The following PTPRO variants were observed in gnomAD, a reference collection of about 807,000 sequenced individuals.
PTPRO encodes receptor-type tyrosine-protein phosphatase O.
In PTPRO, 62 loss-of-function variants were observed where a neutral mutation model predicts 145.2. The ratio of observed to expected loss-of-function variants is 0.43; its 90% confidence interval spans 0.35 to 0.53. The LOEUF (loss-of-function observed/expected upper bound fraction) is 0.53. Among genes scored for constraint, PTPRO ranks in the 20% least tolerant of loss-of-function variants. PTPRO has a pLI of 0.01. For missense variants in PTPRO, 1,345 were observed against 1,482.7 expected, an observed-to-expected ratio of 0.91 and a Z score of 1.53; for synonymous variants, 565 against 514.7, an observed-to-expected ratio of 1.10 and a Z score of -1.32.
chr12:15,471,296 C>T (rs1432831141), intron 1 of PTPRO, among the ~76,000 whole-genome samples: 1 of 152,120 alleles, frequency 6.6e-6, no homozygotes, highest in Admixed American at 6.5e-5. Context: ...GGGAGGATCA[C>T]TTGAGCCTGG....
At chr12:15,496,805 T>C (rs1030735818) in intron 2 of PTPRO, among the ~76,000 whole-genome samples, 1 of 152,218 alleles carries the variant, frequency 6.6e-6, no homozygotes, top group African/African-American at 2.4e-5. Context: ...TGAGCCAAAA[T>C]TTATTTTCTG....
intron 15 of PTPRO, among the ~76,000 whole-genome samples, chr12:15,551,894 C>T (rs1456537482): frequency 1.3e-5 from 2 of 151,924 alleles, no homozygotes; most frequent in African/African-American, 4.8e-5. Flanking sequence ...TACACAAAGT[C>T]AGACCTCTTG....
chr12:15,388,933 AT>A (rs1939108128), intron 1 of PTPRO, among the ~76,000 whole-genome samples: 2 of 152,044 alleles, frequency 1.3e-5, no homozygotes, highest in South Asian at 2.1e-4. Context: ...GAAAAAAAAA[AT>A]CTACTCTTAT....
intron 18 of PTPRO, among the ~76,000 whole-genome samples, chr12:15,566,823 T>C (rs1387494007): frequency 2.6e-5 from 4 of 152,072 alleles, no homozygotes; most frequent in African/African-American, 9.7e-5. Flanking sequence ...GTCCAGCCTC[T>C]AAGTCAATTT....
intron 11 of PTPRO, 91 bp from the exon 12 acceptor site, chr12:15,526,051 G>A (rs1942830555): frequency 2.1e-6 from 3 of 1,459,064 alleles, no homozygotes. Flanking sequence ...AACAGAGAGG[G>A]AATGTGTCTG....
chr12:15,559,360 G>A (rs1943716840), intron 16 of PTPRO, among the ~76,000 whole-genome samples: 2 of 152,164 alleles, frequency 1.3e-5, no homozygotes, highest in Admixed American at 6.5e-5. Flanking sequence ...GAAGTGACAA[G>A]GTGACAGTAT....
At chr12:15,560,422 A>C (rs1382064387) in intron 17 of PTPRO, 146 bp downstream of exon 17, 3 of 677,688 alleles carry the variant, frequency 4.4e-6, no homozygotes, top group Non-Finnish European at 7.6e-6. Context: ...GAATTAAAGC[A>C]GTTACCGGTA....
At chr12:15,409,194 T>G (rs1016496551) in intron 1 of PTPRO, among the ~76,000 whole-genome samples, 1 of 152,132 alleles carries the variant, frequency 6.6e-6, no homozygotes, top group Non-Finnish European at 1.5e-5. Flanking sequence ...TTATGCTGCG[T>G]CAAAACAGTG....
intron 1 of PTPRO, among the ~76,000 whole-genome samples, chr12:15,393,224 A>T (rs12320690): frequency 0.19 from 28,280 of 152,126 alleles, 2,735 homozygotes; most frequent in South Asian, 0.22. Context: ...TGAAAAAAAA[A>T]ATCACACCAA....
chr12:15,510,939 G>A (rs539111885), intron 7 of PTPRO, among the ~76,000 whole-genome samples: 2 of 140,354 alleles, frequency 1.4e-5, no homozygotes, highest in South Asian at 4.6e-4. Context: ...AGCTAAGGTG[G>A]GCAGATCACT....
intron 10 of PTPRO, among the ~76,000 whole-genome samples, chr12:15,523,695 A>G (rs1003602282): frequency 2.0e-5 from 3 of 152,158 alleles, no homozygotes; most frequent in South Asian, 2.1e-4. Context: ...GGGATGATTG[A>G]GCCTGGGAGG....
chr12:15,587,025 C>G lies in PTPRO; in HGVS notation c.3384C>G (p.Ser1128Arg), dbSNP rs1384133779. The change falls in exon 24 of 27, where the codon AGC becomes AGG. Residue 1128 changes from serine (S) to arginine (R), a missense_variant. Ser to Arg is a moderately radical substitution (Grantham distance 110, BLOSUM62 -1). Coordinates refer to ENST00000281171, the MANE Select transcript of PTPRO (RefSeq NM_030667.3). The part of the protein sequence containing the change: ...VHMVRQQATK[S>R]KGPMIIHCSA... ...TGGTCCGACAGCAAGCTACCAAGAG[C>G]AAAGGTCCCATGATCATTCACTGCA... 1.9e-5 allele frequency: 30 copies of G among 1,613,952 alleles called. No homozygotes were observed. In the Admixed American group the frequency reaches 5.0e-4, roughly 27 times the overall value.
At chr12:15,448,567 CT>C (rs1940967614) in intron 1 of PTPRO, among the ~76,000 whole-genome samples, 1 of 152,014 alleles carries the variant, frequency 6.6e-6, no homozygotes, top group African/African-American at 2.4e-5. Context: ...ACCTTGCACA[CT>C]GTTGATGGGA....
intron 1 of PTPRO, among the ~76,000 whole-genome samples, chr12:15,409,318 GTCCCGTCTGC>G (rs1386628317): frequency 6.6e-6 from 1 of 152,108 alleles, no homozygotes; most frequent in African/African-American, 2.4e-5. Context: ...TCATATGTTG[GTCCCGTCTGC>G]TGAGAAACGT....
intron 26 of PTPRO, chr12:15,595,506 T>A (rs1410482061): frequency 1.6e-5 from 3 of 190,594 alleles, no homozygotes; most frequent in Non-Finnish European, 3.3e-5. Flanking sequence ...CAATAGAGTC[T>A]CAGGATAGCA....
At chr12:15,520,497 A>G (rs747720069) in intron 10 of PTPRO, among the ~76,000 whole-genome samples, 185 bp downstream of exon 10, 13 of 152,190 alleles carry the variant, frequency 8.5e-5, no homozygotes, top group Non-Finnish European at 1.5e-4. Flanking sequence ...AGAAATCAAA[A>G]TACCATTTTT....
intron 1 of PTPRO, among the ~76,000 whole-genome samples, chr12:15,469,397 G>A (rs1296429781): frequency 2.6e-5 from 4 of 152,146 alleles, no homozygotes; most frequent in Admixed American, 2.0e-4. Flanking sequence ...AACAAATTAT[G>A]CCAGAAGAAT....
intron 12 of PTPRO, among the ~76,000 whole-genome samples, chr12:15,530,134 G>C (rs554322301): frequency 6.6e-6 from 1 of 151,990 alleles, no homozygotes; most frequent in African/African-American, 2.4e-5. Flanking sequence ...AGACAAAGAG[G>C]GTTACTATAT....
At chr12:15,574,140 A>G (rs1944124386) in intron 19 of PTPRO, among the ~76,000 whole-genome samples, 1 of 152,232 alleles carries the variant, frequency 6.6e-6, no homozygotes, top group Non-Finnish European at 1.5e-5. Context: ...TATAGATACT[A>G]CCAATACAGC....
Sources: gnomAD v4.1 joint callset for allele counts (sites outside exome capture counted in the v4.1 genomes callset) on GRCh38, gnomAD v4.1.1 for gene constraint, MANE v1.5 for transcripts, NCBI Gene and HGNC (gene_info 2026-07-23, HGNC 2026-07-21) for gene names.